POLB: variants seen among roughly 807,000 people sequenced by gnomAD.
POLB encodes the protein DNA polymerase beta.
In POLB, 37 loss-of-function variants were observed where a neutral mutation model predicts 52.7. The observed-to-expected ratio is 0.70, with a 90% CI of 0.54 to 0.92. The LOEUF (loss-of-function observed/expected upper bound fraction) is 0.92, where lower values mean the gene tolerates loss of function less well. Among genes scored for constraint, POLB ranks in the 40% least tolerant of loss-of-function variants. The pLI, the probability that POLB is intolerant of heterozygous loss-of-function variation, is 0.00. For missense variants in POLB, 313 were observed against 400.8 expected, an observed-to-expected ratio of 0.78 and a Z score of 1.87; for synonymous variants, 138 against 131.3, an observed-to-expected ratio of 1.05 and a Z score of -0.35.
chr8:42,366,942 G>A (rs1177350768), intron 11 of POLB, among the ~76,000 whole-genome samples: 1 of 152,206 alleles, frequency 6.6e-6, no homozygotes, highest in Non-Finnish European at 1.5e-5. Flanking sequence ...TACAAAGAGA[G>A]CTGCACAAAT....
At chr8:42,364,656 G>A (rs1024444852) in intron 11 of POLB, among the ~76,000 whole-genome samples, 6 of 152,294 alleles carry the variant, frequency 3.9e-5, no homozygotes, top group Middle Eastern at 3.4e-3. Context: ...TTGGAGAGTG[G>A]ATGTGCTAAA....
At chr8:42,357,062 G>A in intron 7 of POLB, 107 bp from the exon 8 acceptor site, 2 of 652,372 alleles carry the variant, frequency 3.1e-6, no homozygotes, top group Non-Finnish European at 5.4e-6. Context: ...TGATTTGTGA[G>A]AATGATCTGC....
At chr8:42,350,894 A>G (rs554370417) in intron 5 of POLB, among the ~76,000 whole-genome samples, 115 of 150,826 alleles carry the variant, frequency 7.6e-4, no homozygotes, top group African/African-American at 2.7e-3. Flanking sequence ...TTTTAGAGAT[A>G]GTGTCTTATT....
At chr8:42,356,236 A>G (rs1484574604) in intron 7 of POLB, among the ~76,000 whole-genome samples, 2 of 152,192 alleles carry the variant, frequency 1.3e-5, no homozygotes, top group Non-Finnish European at 1.5e-5. Context: ...TTTTAAACTT[A>G]TACTCCCATT....
At chr8:42,345,967 G>A (rs1322464094) in intron 3 of POLB, among the ~76,000 whole-genome samples, 1 of 152,206 alleles carries the variant, frequency 6.6e-6, no homozygotes, top group East Asian at 1.9e-4. Flanking sequence ...TGTTGCTCAG[G>A]CTGGAGTGCA....
intron 4 of POLB, 83 bp from the exon 5 acceptor site, chr8:42,349,924 A>G (rs1822867338): frequency 1.1e-6 from 1 of 932,832 alleles, no homozygotes; most frequent in South Asian, 1.3e-5. Context: ...CATGTCTTTT[A>G]GCAGACTGGT....
chr8:42,354,921 CTA>C (rs1823206468), intron 6 of POLB, among the ~76,000 whole-genome samples: 1 of 152,110 alleles, frequency 6.6e-6, no homozygotes, highest in South Asian at 2.1e-4. Context: ...AACAAATAAA[CTA>C]TGAATAAACC....
chr8:42,346,182 A>G (rs555650698), intron 3 of POLB, among the ~76,000 whole-genome samples: 84 of 152,310 alleles, frequency 5.5e-4, no homozygotes, highest in African/African-American at 2.0e-3. Context: ...TGAGCCTCCC[A>G]AAGTGCTGGG....
At chr8:42,345,339 C>G (rs1822544905) in intron 3 of POLB, among the ~76,000 whole-genome samples, 2 of 152,190 alleles carry the variant, frequency 1.3e-5, no homozygotes, top group Non-Finnish European at 1.5e-5. Context: ...CCAAGTGGCA[C>G]TAGCATATCT....
Position 42,361,329 on chromosome 8 carries a change from G to T in POLB, c.585G>T (p.Leu195=), listed in dbSNP as rs753848268. Residue 195 remains leucine (L), a synonymous_variant, in exon 10 of 14, where the codon CTG becomes CTT. Transcript: ENST00000265421. ...AESSGDMDVL[L]THPSFTSEST... ...CCAGTGGTGACATGGATGTTCTCCTGACCCATCCCAGCTTCACTTCAGAAT... is the reference window on the plus strand; with the variant it reads ...CCAGTGGTGACATGGATGTTCTCCTTACCCATCCCAGCTTCACTTCAGAAT... 6 of 1,612,812 alleles carry T rather than the reference G, an allele frequency of 3.7e-6. No homozygotes were observed. In the Admixed American group the frequency reaches 1.0e-4, roughly 27 times the overall value.
chr8:42,352,649 A>T, intron 6 of POLB, 81 bp downstream of exon 6: 1 of 838,254 alleles, frequency 1.2e-6, no homozygotes. Flanking sequence ...CTTCAACTTG[A>T]AAAACCCATT....
intron 11 of POLB, among the ~76,000 whole-genome samples, chr8:42,364,741 A>G (rs1174223009): frequency 6.6e-6 from 1 of 152,170 alleles, no homozygotes; most frequent in Non-Finnish European, 1.5e-5. Context: ...AAAGATAATT[A>G]AATTGTCATG....
intron 6 of POLB, among the ~76,000 whole-genome samples, chr8:42,355,100 G>A (rs3136753): frequency 1.3e-5 from 2 of 151,632 alleles, no homozygotes; most frequent in Non-Finnish European, 2.9e-5. Context: ...TTGCAGTGGC[G>A]CAATCTCGGC....
intron 6 of POLB, among the ~76,000 whole-genome samples, chr8:42,353,553 A>G (rs1447553814): frequency 6.6e-6 from 1 of 152,168 alleles, no homozygotes; most frequent in Non-Finnish European, 1.5e-5. Flanking sequence ...ATAGAACCTA[A>G]CAAGTAATTA....
intron 1 of POLB, 143 bp downstream of exon 1, chr8:42,338,828 G>A: frequency 1.0e-6 from 1 of 986,850 alleles, no homozygotes; most frequent in Non-Finnish European, 1.6e-6. Context: ...TCCCTCCGGC[G>A]CCCCTGGCTG....
intron 9 of POLB, among the ~76,000 whole-genome samples, chr8:42,358,273 C>T (rs772110455): frequency 2.6e-5 from 4 of 151,944 alleles, no homozygotes; most frequent in African/African-American, 7.2e-5. Context: ...GAGGCCGAGC[C>T]GGGCGGATCA....
chr8:42,363,527 C>CA (rs1163249252), intron 11 of POLB, among the ~76,000 whole-genome samples: 963 of 15,674 alleles, frequency 0.061, 194 homozygotes, highest in Non-Finnish European at 0.073. Context: ...GACTCTGTCT[C>CA]AAAAAAAAAA....
intron 2 of POLB, chr8:42,339,810 G>A (rs1436223374): frequency 6.6e-6 from 1 of 151,086 alleles, no homozygotes. Context: ...AACTCAAATG[G>A]TCCACACACC....
At chr8:42,341,822 A>G (rs1445857378) in intron 2 of POLB, 17 of 542,766 alleles carry the variant, frequency 3.1e-5, no homozygotes, top group East Asian at 8.8e-5. Flanking sequence ...CTTTTGAGCT[A>G]TGCGATCTTT....
Sources: gnomAD v4.1 joint callset for allele counts (sites outside exome capture counted in the v4.1 genomes callset) on GRCh38, gnomAD v4.1.1 for gene constraint, MANE v1.5 for transcripts, NCBI Gene and HGNC (gene_info 2026-07-23, HGNC 2026-07-21) for gene names.